TBC1D22A: variants seen among roughly 807,000 people sequenced by gnomAD.
The protein encoded by TBC1D22A is putative GTPase activator.
Under a neutral mutation model 60.2 loss-of-function variants are expected in TBC1D22A, and 38 were observed. The observed-to-expected ratio is 0.63, with a 90% CI of 0.49 to 0.83. TBC1D22A has a LOEUF of 0.83. TBC1D22A is among the 40% of genes least tolerant of loss of function. The probability of loss-of-function intolerance (pLI) is 0.00; values close to 1 mark genes in which losing one functional copy is unlikely to be tolerated. For synonymous variants in TBC1D22A, 302 were observed against 281.7 expected, an observed-to-expected ratio of 1.07 and a Z score of -0.72; for missense variants, 628 against 701.0, an observed-to-expected ratio of 0.90 and a Z score of 1.18.
intron 8 of TBC1D22A, among the ~76,000 whole-genome samples, chr22:46,962,023 GTACACT>G (rs2073534164): frequency 6.6e-6 from 1 of 152,214 alleles, no homozygotes; most frequent in African/African-American, 2.4e-5. Flanking sequence ...GTGGTTGAAC[GTACACT>G]TCACAGGCCT....
In TBC1D22A at chr22:46,762,895, A is replaced by T. The variant is rs1372792926; in HGVS notation, c.62+47A>T. On this transcript the variant is annotated intron_variant, in intron 1 of 12. Transcript: ENST00000337137. Reference sequence around the variant, plus strand: ...AGGTCGGGGTCAGGGGTCAGAGGTCAGGTGGCCGCGTTGGCCTCCTGGGCT... The same window carrying T: ...AGGTCGGGGTCAGGGGTCAGAGGTCTGGTGGCCGCGTTGGCCTCCTGGGCT... The T allele has an allele frequency of 1.6e-5, 23 of 1,463,674 alleles. No individual in the cohort carries two copies. In the African/African-American group the frequency reaches 2.2e-4, roughly 14 times the overall value. The allele number at this position is 1,463,674 out of a possible 1,614,324, so 90.7% of individuals were successfully genotyped here.
At chr22:47,138,871 A>G (rs2066978006) in intron 12 of TBC1D22A, among the ~76,000 whole-genome samples, 1 of 152,202 alleles carries the variant, frequency 6.6e-6, no homozygotes, top group South Asian at 2.1e-4. Context: ...TCCTTCATAG[A>G]GGAACCAATC....
intron 11 of TBC1D22A, among the ~76,000 whole-genome samples, chr22:47,073,930 C>A (rs1453992827): frequency 6.6e-6 from 1 of 152,102 alleles, no homozygotes; most frequent in African/African-American, 2.4e-5. Context: ...GAGTTTGAGA[C>A]CAGCCTGGGC....
chr22:47,075,404 C>T (rs2064165499), intron 11 of TBC1D22A, among the ~76,000 whole-genome samples: 1 of 152,044 alleles, frequency 6.6e-6, no homozygotes. Flanking sequence ...GACTTTCAGC[C>T]AGGTGAGGGG....
intron 4 of TBC1D22A, among the ~76,000 whole-genome samples, chr22:46,847,026 C>T (rs963570837): frequency 6.6e-6 from 1 of 152,158 alleles, no homozygotes; most frequent in Non-Finnish European, 1.5e-5. Flanking sequence ...AGTCCAGGGC[C>T]GGGCCTTGGA....
chr22:47,040,336 A>G (rs1412203802), intron 11 of TBC1D22A, among the ~76,000 whole-genome samples: 1 of 152,148 alleles, frequency 6.6e-6, no homozygotes, highest in Non-Finnish European at 1.5e-5. Flanking sequence ...ACCACTCGGG[A>G]GAGTCTGACC....
At chr22:47,002,257 C>T (rs1309785855) in intron 10 of TBC1D22A, among the ~76,000 whole-genome samples, 1 of 152,232 alleles carries the variant, frequency 6.6e-6, no homozygotes, top group Non-Finnish European at 1.5e-5. Context: ...ATCCTAATGA[C>T]GTCCCCTGTA....
chr22:46,938,389 C>T (rs1569243395), intron 8 of TBC1D22A, among the ~76,000 whole-genome samples: 1 of 152,148 alleles, frequency 6.6e-6, no homozygotes, highest in Non-Finnish European at 1.5e-5. Flanking sequence ...GTAGGCTTCG[C>T]TCTAGGTGTG....
chr22:47,025,443 A>G (rs2062222016), intron 10 of TBC1D22A, among the ~76,000 whole-genome samples: 1 of 152,250 alleles, frequency 6.6e-6, no homozygotes, highest in African/African-American at 2.4e-5. Flanking sequence ...ATCTTTAGCA[A>G]GATACCTGGG....
chr22:46,941,480 T>TAC lies in TBC1D22A; in HGVS notation c.1015+29293_1015+29294dup, dbSNP rs1229674746. On this transcript the variant is annotated intron_variant, in intron 8 of 12. Transcript: ENST00000337137. ...GGAATATATATACACGGAATATATATACGGAATATATATACACGGAATATA... is the reference window on the plus strand; with the variant it reads ...GGAATATATATACACGGAATATATATACACGGAATATATATACACGGAATATA... Among the ~76,000 whole-genome samples, 174 of 115,250 alleles carry TAC rather than the reference T, an allele frequency of 1.5e-3. 9 individuals carry two copies. Among genetic ancestry groups the TAC allele is most frequent in the African/African-American group, 5.1e-3 (163 of 31,670 alleles). 75.6% of individuals were successfully genotyped at this position (115,250 alleles called of 152,430 possible).
Position 46,941,640 on chromosome 22 carries a change from A to ATATATATACGGAATATATATACGCGGG in TBC1D22A, c.1015+29452_1015+29453insTATATATACGGAATATATATACGCGGG, listed in dbSNP as rs1569248862. Among the ~76,000 whole-genome samples the ATATATATACGGAATATATATACGCGGG allele has an allele frequency of 5.4e-5, 8 of 148,082 alleles. No individual in the cohort carries two copies. The East Asian group carries it at 5.9e-4, about 11-fold the overall frequency. On this transcript the variant is annotated intron_variant, in intron 8 of 12. Transcript: ENST00000337137. Reference sequence around the variant, plus strand: ...ATATATACGGAATATATATACGCGGAATATATATACGGAATATATATACGC... The same window carrying ATATATATACGGAATATATATACGCGGG: ...ATATATACGGAATATATATACGCGGATATATATACGGAATATATATACGCGGGATATATATACGGAATATATATACGC...
chr22:46,937,037 G>C (rs1220769964), intron 8 of TBC1D22A, among the ~76,000 whole-genome samples: 1 of 152,168 alleles, frequency 6.6e-6, no homozygotes, highest in Non-Finnish European at 1.5e-5. Flanking sequence ...GTGGTCTCCT[G>C]AGGAGGGCCG....
intron 8 of TBC1D22A, among the ~76,000 whole-genome samples, chr22:46,943,441 AC>A (rs1427063248): frequency 6.6e-6 from 1 of 152,160 alleles, no homozygotes; most frequent in Admixed American, 6.5e-5. Context: ...GAGGCTTTAA[AC>A]GTTCAACCTT....
intron 10 of TBC1D22A, among the ~76,000 whole-genome samples, chr22:47,029,102 CA>C (rs2062364171): frequency 6.6e-6 from 1 of 152,126 alleles, no homozygotes; most frequent in African/African-American, 2.4e-5. Context: ...GTTTTATGTA[CA>C]GGTTAGGGGG....
At chr22:46,911,467 G>C (rs2069917084) in intron 7 of TBC1D22A, among the ~76,000 whole-genome samples, 1 of 152,186 alleles carries the variant, frequency 6.6e-6, no homozygotes, top group Admixed American at 6.5e-5. Flanking sequence ...AGTCTCCACT[G>C]ATAGGTCAGG....
chr22:46,794,574 A>G (rs1346715674), intron 3 of TBC1D22A, among the ~76,000 whole-genome samples: 1 of 152,192 alleles, frequency 6.6e-6, no homozygotes, highest in Non-Finnish European at 1.5e-5. Context: ...GGGAGACCCC[A>G]CTGGACAGAC....
At chr22:46,946,552 A>G (rs909660515) in intron 8 of TBC1D22A, among the ~76,000 whole-genome samples, 3 of 152,200 alleles carry the variant, frequency 2.0e-5, no homozygotes, top group Non-Finnish European at 2.9e-5. Context: ...TGGCCGCCTC[A>G]CTGCCTCATC....
intron 4 of TBC1D22A, among the ~76,000 whole-genome samples, chr22:46,846,498 A>G (rs1029016042): frequency 1.3e-5 from 2 of 152,202 alleles, no homozygotes; most frequent in African/African-American, 4.8e-5. Flanking sequence ...TCCTCGGGAA[A>G]TGGACGGAGT....
intron 12 of TBC1D22A, among the ~76,000 whole-genome samples, chr22:47,136,340 C>T (rs1181365692): frequency 4.6e-5 from 7 of 152,236 alleles, no homozygotes; most frequent in Admixed American, 2.0e-4. Flanking sequence ...CGGTCTCCCC[C>T]CAACCTCAAG....
Sources: gnomAD v4.1 joint callset for allele counts (sites outside exome capture counted in the v4.1 genomes callset) on GRCh38, gnomAD v4.1.1 for gene constraint, MANE v1.5 for transcripts, NCBI Gene and HGNC (gene_info 2026-07-23, HGNC 2026-07-21) for gene names.